Variants in PARN observed in about 807,000 individuals in gnomAD.
PARN encodes the protein poly(A)-specific ribonuclease, also known as poly(A)-specific ribonuclease PARN.
In PARN, 71 loss-of-function variants were observed where a neutral mutation model predicts 102.8. The ratio of observed to expected loss-of-function variants is 0.69; its 90% confidence interval spans 0.57 to 0.84. PARN has a LOEUF of 0.84. PARN is among the 40% of genes least tolerant of loss of function. PARN has a pLI of 0.00. For synonymous variants in PARN, 261 were observed against 252.9 expected (o/e 1.03, Z -0.30); for missense variants, 782 against 760.9 (o/e 1.03, Z -0.33).
At chr16:14,595,551 G>T (rs78477854) in intron 12 of PARN, among the ~76,000 whole-genome samples, 1 of 150,396 alleles carries the variant, frequency 6.6e-6, no homozygotes. Context: ...TTTTTTTTTT[G>T]AAATGCAGTC....
intron 21 of PARN, among the ~76,000 whole-genome samples, chr16:14,508,530 C>A (rs1270444976): frequency 6.6e-6 from 1 of 152,004 alleles, no homozygotes; most frequent in South Asian, 2.1e-4. Flanking sequence ...GAAATGCAGG[C>A]TCACATTCCC....
chr16:14,608,259 T>G (rs1340012282), intron 9 of PARN, 22 bp downstream of exon 9: 34 of 1,502,520 alleles, frequency 2.3e-5, no homozygotes, highest in Admixed American at 4.1e-5. Context: ...ACAGAGCTGC[T>G]GCATACAATA....
intron 3 of PARN, 148 bp downstream of exon 3, chr16:14,628,024 A>T: frequency 3.9e-6 from 1 of 257,234 alleles, no homozygotes; most frequent in East Asian, 8.5e-5. Flanking sequence ...AAGACAAAAC[A>T]AAAAAAAAAA....
At chr16:14,450,970 G>T (rs1164813994) in intron 22 of PARN, among the ~76,000 whole-genome samples, 2 of 151,852 alleles carry the variant, frequency 1.3e-5, no homozygotes, top group African/African-American at 4.8e-5. Flanking sequence ...GGAAAGGAAA[G>T]AAAAACTCCG....
chr16:14,566,196 T>C (rs921294188), intron 18 of PARN, among the ~76,000 whole-genome samples: 5 of 152,172 alleles, frequency 3.3e-5, no homozygotes, highest in Non-Finnish European at 5.9e-5. Flanking sequence ...GTAGATGTTA[T>C]TATATTAACA....
chr16:14,531,091 C>T (rs564027043), intron 21 of PARN, among the ~76,000 whole-genome samples: 1 of 152,282 alleles, frequency 6.6e-6, no homozygotes, highest in South Asian at 2.1e-4. Flanking sequence ...TGTCTCATGC[C>T]TGTAATCCCA....
chr16:14,587,404 T>C (rs539516945), intron 13 of PARN, among the ~76,000 whole-genome samples: 8 of 152,342 alleles, frequency 5.3e-5, no homozygotes, highest in African/African-American at 1.9e-4. Flanking sequence ...AGTATCAAGA[T>C]AGTTCATAAG....
At position 14,582,209 on chromosome 16, in the gene PARN, C is replaced by G. The variant is rs1198091295; in HGVS notation, c.1164G>C (p.Leu388=). 2 of 1,612,194 alleles carry G rather than the reference C, an allele frequency of 1.2e-6. No homozygotes were observed. Among genetic ancestry groups the G allele is most frequent in the African/African-American group, 2.7e-5 (2 of 74,906 alleles). The stretch of plus-strand genomic sequence containing the variant: ...GGTAATTGGCCATGGAGATGAAGCA[C>G]AGCCCTGTGATGTAGGCATCGTAGC... ...EAGYDAYITG[L]CFISMANYLG... is the part of the protein sequence containing the mutation. The change falls in exon 17 of 24, where the codon CTG becomes CTC. Residue 388 remains leucine, a synonymous_variant. Transcript: ENST00000437198.
At chr16:14,578,920 A>G (rs1028140093) in intron 18 of PARN, among the ~76,000 whole-genome samples, 9 of 152,214 alleles carry the variant, frequency 5.9e-5, no homozygotes, top group Admixed American at 4.6e-4. Flanking sequence ...GTTCTTTTCA[A>G]TAATAGTCCT....
At chr16:14,443,614 T>C (rs917682669) in intron 23 of PARN, among the ~76,000 whole-genome samples, 4 of 152,192 alleles carry the variant, frequency 2.6e-5, no homozygotes, top group African/African-American at 7.2e-5. Flanking sequence ...GCTGGGATTA[T>C]AGGCATGAGC....
intron 22 of PARN, among the ~76,000 whole-genome samples, chr16:14,468,908 T>TAGATAGATAGATAGATAGAC (rs1555481222): frequency 5.3e-5 from 8 of 150,546 alleles, no homozygotes; most frequent in African/African-American, 2.0e-4. Flanking sequence ...GATAGATAGA[T>TAGATAGATAGATAGATAGAC]AGATAGATAG....
At chr16:14,609,180 C>A in intron 7 of PARN, 57 bp from the exon 8 acceptor site, 2 of 817,896 alleles carry the variant, frequency 2.4e-6, no homozygotes, top group East Asian at 2.7e-5. Context: ...AAGTCATCAA[C>A]CAAGAAAATA....
intron 22 of PARN, among the ~76,000 whole-genome samples, chr16:14,451,314 T>C (rs1961434540): frequency 6.6e-6 from 1 of 152,246 alleles, no homozygotes; most frequent in South Asian, 2.1e-4. Flanking sequence ...ATGCTTCCCA[T>C]AAACTCTGCT....
chr16:14,460,507 A>G (rs1961906462), intron 22 of PARN, among the ~76,000 whole-genome samples: 1 of 152,212 alleles, frequency 6.6e-6, no homozygotes, highest in Admixed American at 6.5e-5. Context: ...TCATCTTCCA[A>G]AGGGTTGTCC....
At chr16:14,489,656 C>T (rs1963951990) in intron 21 of PARN, among the ~76,000 whole-genome samples, 1 of 152,206 alleles carries the variant, frequency 6.6e-6, no homozygotes, top group African/African-American at 2.4e-5. Flanking sequence ...TGCCAGACTT[C>T]AGCCTTGCTC....
intron 1 of PARN, 134 bp from the exon 2 acceptor site, chr16:14,629,808 G>A (rs1972921214): frequency 4.1e-6 from 3 of 725,070 alleles, no homozygotes; most frequent in Admixed American, 2.3e-5. Flanking sequence ...ACCGGGGCGA[G>A]GGGAATCAAG....
intron 9 of PARN, among the ~76,000 whole-genome samples, chr16:14,606,760 T>C (rs1014182856): frequency 3.3e-5 from 5 of 152,052 alleles, no homozygotes; most frequent in African/African-American, 1.2e-4. Flanking sequence ...ATTAATTTTT[T>C]TTAGGACTTA....
At chr16:14,448,396 C>A (rs1008841756) in intron 22 of PARN, among the ~76,000 whole-genome samples, 5 of 152,136 alleles carry the variant, frequency 3.3e-5, no homozygotes, top group Non-Finnish European at 7.4e-5. Context: ...ATCCGCCCAA[C>A]TTGGCCTCCC....
At chr16:14,463,083 A>C (rs1444756836) in intron 22 of PARN, among the ~76,000 whole-genome samples, 2 of 152,184 alleles carry the variant, frequency 1.3e-5, no homozygotes, top group Non-Finnish European at 2.9e-5. Context: ...TCAAGGGAAC[A>C]ATATATGGTG....
Sources: allele counts gnomAD v4.1 joint callset (sites outside exome capture counted in the v4.1 genomes callset), GRCh38; gene constraint gnomAD v4.1.1; transcripts MANE v1.5; gene names NCBI Gene and HGNC (gene_info 2026-07-23, HGNC 2026-07-21).